ELOF1: variants seen among roughly 807,000 people sequenced by gnomAD.
ELOF1 encodes elongation factor 1, also known as transcription elongation factor 1 homolog.
Under a neutral mutation model 7.1 loss-of-function variants are expected in ELOF1, and 4 were observed. That is an observed-to-expected ratio of 0.56 (90% CI 0.28 to 1.29). The LOEUF (loss-of-function observed/expected upper bound fraction) is 1.29, where lower values mean the gene tolerates loss of function less well. Among genes scored for constraint, ELOF1 ranks in the 50% most tolerant of loss-of-function variants. The pLI, the probability that ELOF1 is intolerant of heterozygous loss-of-function variation, is 0.10. For missense variants in ELOF1, 59 were observed against 86.3 expected (o/e 0.68, Z 1.25); for synonymous variants, 31 against 31.9 (o/e 0.97, Z 0.09).
intron 3 of ELOF1, chr19:11,553,415 G>A (rs1041873456): frequency 4.0e-6 from 2 of 497,362 alleles, no homozygotes; most frequent in Non-Finnish European, 7.2e-6. Context: ...GGGCTGCAGG[G>A]AACACAGCAA....
intron 1 of ELOF1, 178 bp downstream of exon 1, chr19:11,559,013 G>C (rs1972875252): frequency 6.6e-6 from 1 of 152,022 alleles, no homozygotes; most frequent in Non-Finnish European, 1.5e-5. Context: ...GGAGCCAGGC[G>C]TCCCGGTAGT....
intron 1 of ELOF1, among the ~76,000 whole-genome samples, chr19:11,557,916 C>T (rs1049367325): frequency 1.3e-5 from 2 of 152,134 alleles, no homozygotes; most frequent in African/African-American, 4.8e-5. Context: ...TCTGGCTATA[C>T]TCACCACATG....
intron 1 of ELOF1, among the ~76,000 whole-genome samples, chr19:11,558,030 C>T (rs1161894072): frequency 6.6e-6 from 1 of 152,134 alleles, no homozygotes; most frequent in Non-Finnish European, 1.5e-5. Flanking sequence ...CTGCCTCAGC[C>T]ACACCTCCAC....
chr19:11,553,527 C>T (rs1456346183), intron 3 of ELOF1: 10 of 629,232 alleles, frequency 1.6e-5, no homozygotes, highest in Admixed American at 1.4e-4. Flanking sequence ...CCCAGTGACA[C>T]GTGCAGCCAC....
At chr19:11,553,582 TACACACACAC>T (rs57015096) in intron 3 of ELOF1, 27,642 of 600,114 alleles carry the variant, frequency 0.046, 248 homozygotes, top group African/African-American at 0.081. Flanking sequence ...GCACACCCAC[TACACACACAC>T]ACACACACAC....
intron 1 of ELOF1, chr19:11,554,628 A>G (rs1343150789): frequency 4.0e-6 from 2 of 502,374 alleles, no homozygotes; most frequent in African/African-American, 1.9e-5. Flanking sequence ...TTTGTGCCAC[A>G]GTTTCCTCGT....
At chr19:11,553,205 C>CGGCGGCTT in intron 3 of ELOF1, 1 of 400,122 alleles carries the variant, frequency 2.5e-6, no homozygotes, top group Non-Finnish European at 4.4e-6. Flanking sequence ...ACCTGGGGAA[C>CGGCGGCTT]GGCGGCTTTG....
chr19:11,553,581 CT>C (rs1290713155), intron 3 of ELOF1: 28 of 676,960 alleles, frequency 4.1e-5, no homozygotes, highest in East Asian at 1.3e-4. Flanking sequence ...CGCACACCCA[CT>C]ACACACACAC....
intron 3 of ELOF1, chr19:11,553,746 C>G: frequency 1.2e-6 from 2 of 1,614,180 alleles, no homozygotes; most frequent in Non-Finnish European, 1.7e-6. Context: ...CTCTGTGTCG[C>G]TACTGATTGG....
intron 1 of ELOF1, among the ~76,000 whole-genome samples, chr19:11,558,072 T>C (rs1972859014): frequency 1.3e-5 from 2 of 152,106 alleles, no homozygotes; most frequent in Admixed American, 1.3e-4. Flanking sequence ...AGATTAAACA[T>C]ATCATGTCCA....
chr19:11,556,241 A>G (rs1972831877), intron 1 of ELOF1, among the ~76,000 whole-genome samples: 2 of 152,146 alleles, frequency 1.3e-5, no homozygotes, highest in South Asian at 4.1e-4. Context: ...AGTGTCTTCC[A>G]GAATAAACAG....
intron 1 of ELOF1, 55 bp from the exon 2 acceptor site, chr19:11,554,420 C>A: frequency 6.3e-7 from 1 of 1,583,482 alleles, no homozygotes; most frequent in Admixed American, 1.8e-5. Context: ...CGCCCCAGCT[C>A]AATGCTCTAG....
intron 3 of ELOF1, chr19:11,553,228 C>T (rs903454085): frequency 2.5e-5 from 10 of 398,692 alleles, no homozygotes; most frequent in South Asian, 2.8e-4. Flanking sequence ...TCCCCGGCCA[C>T]GGGCACTAGA....
chr19:11,555,068 C>A, intron 1 of ELOF1: 1 of 178,732 alleles, frequency 5.6e-6, no homozygotes. Flanking sequence ...ACCAGCCTGA[C>A]CAACACGGTG....
intron 1 of ELOF1, 110 bp from the exon 2 acceptor site, chr19:11,554,475 G>A (rs928190411): frequency 3.4e-6 from 5 of 1,460,680 alleles, no homozygotes; most frequent in East Asian, 2.4e-5. Flanking sequence ...CGTGGTCCCG[G>A]GGCCTCTGCC....
At chr19:11,554,045 G>A (rs1410605821) in exon 3 of ELOF1, 6 of 1,614,186 alleles carry the variant, frequency 3.7e-6, no homozygotes, top group Middle Eastern at 1.6e-4. Flanking sequence ...CTAGGCACAC[G>A]GTACAAGAGA....
chr19:11,553,341 G>A (rs951190033), intron 3 of ELOF1: 3 of 449,762 alleles, frequency 6.7e-6, no homozygotes, highest in African/African-American at 3.9e-5. Context: ...CCTTGTCCAG[G>A]ATGTCAGGAA....
Position 11,554,005 on chromosome 19 carries a change from G to A in ELOF1, c.187+6C>T. On this transcript the variant is annotated splice_donor_region_variant and intron_variant, in intron 3 of 3. Coordinates refer to ENST00000586683, the Ensembl canonical transcript of ELOF1. ...CTCTGGAAAAAGCCCAGGTTTCCAA[G>A]GATACACGTTATGGGCGTCTGGAAT... 6.2e-7 allele frequency: 1 copy of A among 1,614,192 alleles called. No homozygotes were observed. Among genetic ancestry groups the A allele is most frequent in the Non-Finnish European group, 8.5e-7 (1 of 1,180,040 alleles).
intron 1 of ELOF1, among the ~76,000 whole-genome samples, chr19:11,557,333 C>T (rs569484543): frequency 2.0e-5 from 3 of 152,270 alleles, no homozygotes; most frequent in Non-Finnish European, 2.9e-5. Flanking sequence ...CTGTGGCTCA[C>T]GTTTATAATC....
Sources: allele counts gnomAD v4.1 joint callset (sites outside exome capture counted in the v4.1 genomes callset), GRCh38; gene constraint gnomAD v4.1.1; transcripts MANE v1.5; gene names NCBI Gene and HGNC (gene_info 2026-07-23, HGNC 2026-07-21).